Variants in ATXN1 observed in about 807,000 individuals in gnomAD.
ATXN1 encodes ataxin 1, also known as ataxin-1.
In ATXN1, 8 loss-of-function variants were observed where a neutral mutation model predicts 56.4. The ratio of observed to expected loss-of-function variants is 0.14; its 90% CI spans 0.08 to 0.26. ATXN1 has a LOEUF of 0.26. Ranked by LOEUF, ATXN1 falls within the 10% of genes least tolerant of loss-of-function variation. ATXN1 has a pLI of 1.00. For missense variants in ATXN1, 987 were observed against 1,106.5 expected (o/e 0.89, Z 1.53); for synonymous variants, 514 against 494.6 (o/e 1.04, Z -0.52).
Position 16,306,147 on chromosome 6 carries a change from G to T in ATXN1, c.*182C>A. On this transcript the variant is annotated 3_prime_UTR_variant, in exon 8 of 8. Coordinates refer to ENST00000436367, the MANE Select transcript of ATXN1 (RefSeq NM_001128164.2). This position sits in a 1 kb window ranked among gnomAD's most constrained non-coding sequence, Gnocchi z 5.2. ...CCCGCCCGCTCACTGACAGACACTC[G>T]TGGAAAAAGCATATGCACCAGTCTC... 2 of 722,454 alleles carry T rather than the reference G, an allele frequency of 2.8e-6. No individual in the cohort carries two copies. The highest frequency in any genetic ancestry group is 4.3e-6 in the Non-Finnish European group (2 of 464,946). The allele number at this position is 722,454 out of a possible 1,614,324, so 44.8% of individuals were successfully genotyped here. A position where few individuals can be genotyped will look rare whatever the true frequency, so the allele number is the denominator to read the frequency against.
chr6:16,364,960 C>G (rs1234804591), intron 6 of ATXN1, among the ~76,000 whole-genome samples: 3 of 152,130 alleles, frequency 2.0e-5, no homozygotes, highest in Non-Finnish European at 4.4e-5. Flanking sequence ...CCTGTCTTCC[C>G]AGAATGGCGG....
intron 6 of ATXN1, among the ~76,000 whole-genome samples, chr6:16,423,210 C>T (rs1337562439): frequency 6.6e-6 from 1 of 152,176 alleles, no homozygotes; most frequent in African/African-American, 2.4e-5. Flanking sequence ...TGTCATTTTG[C>T]ATCAGGCTGT....
intron 6 of ATXN1, among the ~76,000 whole-genome samples, chr6:16,454,372 G>A (rs774671362): frequency 2.0e-5 from 3 of 152,086 alleles, no homozygotes; most frequent in Non-Finnish European, 4.4e-5. Context: ...GGAACTACTT[G>A]TATAGAAAAT....
At chr6:16,630,177 G>T (rs969862130) in intron 3 of ATXN1, among the ~76,000 whole-genome samples, 1 of 152,112 alleles carries the variant, frequency 6.6e-6, no homozygotes, top group South Asian at 2.1e-4. Flanking sequence ...ATTCCCTTGG[G>T]TGCCCTCTTA....
intron 6 of ATXN1, among the ~76,000 whole-genome samples, chr6:16,454,435 G>A (rs1422977556): frequency 1.3e-5 from 2 of 152,158 alleles, no homozygotes; most frequent in African/African-American, 2.4e-5. Flanking sequence ...CCTGCTAGGG[G>A]CTCTGTAGCC....
intron 2 of ATXN1, among the ~76,000 whole-genome samples, chr6:16,692,509 G>A (rs1032797004): frequency 6.6e-6 from 1 of 152,124 alleles, no homozygotes; most frequent in African/African-American, 2.4e-5. Context: ...CTATTTTAAA[G>A]ACTCAAGAAA....
intron 6 of ATXN1, among the ~76,000 whole-genome samples, chr6:16,346,062 ATTAT>A (rs886791297): frequency 7.2e-5 from 11 of 152,030 alleles, no homozygotes; most frequent in South Asian, 4.1e-4. Context: ...TATTCTTTTA[ATTAT>A]TTATTTATTT....
rs74291733 is a variant in ATXN1, at chr6:16,711,178, G to A, written c.-615+42055C>T. Among the ~76,000 whole-genome samples, 23 of 151,798 alleles carry A rather than the reference G, an allele frequency of 1.5e-4. No individual in the cohort carries two copies. In the East Asian group the frequency reaches 3.9e-3, roughly 25 times the overall value. ...CAAAGGTGTGATGGCAATTTCATAA[G>A]GAAAAAAAATCACTTCAATAATTGT... On this transcript the variant is annotated intron_variant, in intron 2 of 7. Transcript: ENST00000436367.
chr6:16,670,629 T>C (rs1231352287), intron 2 of ATXN1, among the ~76,000 whole-genome samples: 1 of 152,240 alleles, frequency 6.6e-6, no homozygotes, highest in Non-Finnish European at 1.5e-5. Flanking sequence ...ATTTGACTTT[T>C]AATCATTAAA....
chr6:16,707,734 T>G (rs1191674512), intron 2 of ATXN1, among the ~76,000 whole-genome samples: 1 of 152,136 alleles, frequency 6.6e-6, no homozygotes, highest in Non-Finnish European at 1.5e-5. Context: ...GGTCCAATGG[T>G]TATGAGTGGG....
intron 2 of ATXN1, among the ~76,000 whole-genome samples, chr6:16,725,115 T>C (rs1417329175): frequency 6.6e-6 from 1 of 152,218 alleles, no homozygotes; most frequent in Non-Finnish European, 1.5e-5. Flanking sequence ...AGTGGCTATA[T>C]GGTTTTATAA....
chr6:16,524,992 C>T (rs1761363505), intron 4 of ATXN1, among the ~76,000 whole-genome samples: 2 of 152,156 alleles, frequency 1.3e-5, no homozygotes, highest in South Asian at 4.1e-4. Flanking sequence ...GCAGAAGTTG[C>T]AGTGAGCCAA....
At chr6:16,632,575 T>G (rs112232082) in intron 3 of ATXN1, among the ~76,000 whole-genome samples, 2,646 of 152,072 alleles carry the variant, frequency 0.017, 34 homozygotes, top group Non-Finnish European at 0.027. Flanking sequence ...CCCACTGGGA[T>G]GCGGGGTTGG....
chr6:16,453,955 A>G (rs1411016904), intron 6 of ATXN1, among the ~76,000 whole-genome samples: 1 of 152,014 alleles, frequency 6.6e-6, no homozygotes, highest in Non-Finnish European at 1.5e-5. Flanking sequence ...AGCCTGGCCA[A>G]CATGGCAAAA....
chr6:16,658,643 C>T (rs1271661900), intron 2 of ATXN1, among the ~76,000 whole-genome samples: 1 of 152,220 alleles, frequency 6.6e-6, no homozygotes, highest in Non-Finnish European at 1.5e-5. Flanking sequence ...TTTTAACGCT[C>T]ACTTGTCACA....
chr6:16,672,299 A>C (rs1049999486), intron 2 of ATXN1, among the ~76,000 whole-genome samples: 1 of 152,178 alleles, frequency 6.6e-6, no homozygotes, highest in African/African-American at 2.4e-5. Flanking sequence ...TAAAAGAAAA[A>C]TTACTTCTAA....
At chr6:16,398,930 A>G (rs1337864127) in intron 6 of ATXN1, among the ~76,000 whole-genome samples, 3 of 152,208 alleles carry the variant, frequency 2.0e-5, no homozygotes, top group African/African-American at 7.2e-5. Flanking sequence ...AGTTGAACCG[A>G]TTGTACAACA....
intron 2 of ATXN1, among the ~76,000 whole-genome samples, chr6:16,671,122 G>T (rs2113381693): frequency 6.6e-6 from 1 of 152,282 alleles, no homozygotes; most frequent in South Asian, 2.1e-4. Context: ...CTGAAAAATT[G>T]TAAGATGATG....
intron 4 of ATXN1, among the ~76,000 whole-genome samples, chr6:16,584,232 A>ATG (rs1762578225): frequency 5.5e-5 from 7 of 127,494 alleles, no homozygotes; most frequent in Non-Finnish European, 9.9e-5. Context: ...ACATATATAT[A>ATG]TATATATATA....
Sources: gnomAD v4.1 joint callset for allele counts (sites outside exome capture counted in the v4.1 genomes callset) on GRCh38, gnomAD v4.1.1 for gene constraint, Gnocchi (gnomAD v3.1) non-coding constraint, MANE v1.5 for transcripts, NCBI Gene and HGNC (gene_info 2026-07-23, HGNC 2026-07-21) for gene names.